AFF1: variants seen among roughly 807,000 people sequenced by gnomAD.
AFF1 encodes the protein ALF transcription elongation factor 1.
A neutral mutation model predicts 121.7 loss-of-function variants in AFF1; 48 were observed. The ratio of observed to expected loss-of-function variants is 0.39; its 90% CI spans 0.31 to 0.50. The LOEUF (loss-of-function observed/expected upper bound fraction) is 0.50. Ranked by LOEUF, AFF1 falls within the 20% of genes least tolerant of loss-of-function variation. AFF1 has a pLI of 0.76. For synonymous variants in AFF1, 613 were observed against 563.0 expected (o/e 1.09, Z -1.26); for missense variants, 1,523 against 1,511.7 (o/e 1.01, Z -0.12).
chr4:86,936,130 G>A (rs1222110988), intron 1 of AFF1: 1 of 152,220 alleles, frequency 6.6e-6, no homozygotes, highest in East Asian at 1.9e-4. Context: ...GAAGGCACTT[G>A]GCTTTGGAGG....
At position 87,117,779 on chromosome 4, in the gene AFF1, T is replaced by A. The variant is rs547750607; in HGVS notation, c.2466+2480T>A. ...AGAATCATGTGTCGTTTGGTTTAAC[T>A]TCCTGCTGGATTCTGGATGGGAGTT... On this transcript the variant is annotated intron_variant, in intron 12 of 20. Transcript: ENST00000395146. 2.6e-5 allele frequency among the ~76,000 whole-genome samples: 4 copies of A among 152,370 alleles called. No homozygotes were observed. The East Asian group carries it at 7.7e-4, about 29-fold the overall frequency.
At position 87,000,602 on chromosome 4, in the gene AFF1, ACT is replaced by A. The variant is rs71660109; in HGVS notation, c.39-45561_39-45560del. ...AAATAAAACATTTATTAAAAAATAAACTCTGTGTGTGTGTGTGTGTGTGTGTG... is the reference window on the plus strand; with the variant it reads ...AAATAAAACATTTATTAAAAAATAAACTGTGTGTGTGTGTGTGTGTGTGTG... On this transcript the variant is annotated intron_variant, in intron 2 of 20. Coordinates refer to ENST00000395146, the MANE Select transcript of AFF1 (RefSeq NM_001166693.3). Among the ~76,000 whole-genome samples the A allele has an allele frequency of 2.3e-3, 199 of 86,850 alleles. 1 individual carries two copies. The highest frequency in any genetic ancestry group is 5.1e-3 in the Middle Eastern group (1 of 198). The allele number at this position is 86,850 out of a possible 152,430, so 57.0% of individuals were successfully genotyped here.
chr4:86,995,274 C>T (rs1725032560), intron 2 of AFF1, among the ~76,000 whole-genome samples: 2 of 23,632 alleles, frequency 8.5e-5, no homozygotes, highest in South Asian at 3.8e-3. Flanking sequence ...CCCCTTCCCC[C>T]TCCCCCTCTC....
intron 2 of AFF1, among the ~76,000 whole-genome samples, chr4:86,960,656 T>C (rs1722084516): frequency 6.6e-6 from 1 of 152,170 alleles, no homozygotes; most frequent in Non-Finnish European, 1.5e-5. Context: ...CTACTAAAAA[T>C]AGTACAACAT....
intron 2 of AFF1, among the ~76,000 whole-genome samples, chr4:86,966,748 C>G (rs1722566492): frequency 6.6e-6 from 1 of 152,152 alleles, no homozygotes; most frequent in Admixed American, 6.6e-5. Flanking sequence ...ATCCCCCATT[C>G]TAATTTAATC....
rs191308289 is a variant in AFF1, at chr4:87,042,702, A to G, written c.39-3464A>G. Among the ~76,000 whole-genome samples, 17 of 152,372 alleles carry G rather than the reference A, an allele frequency of 1.1e-4. No individual in the cohort carries two copies. The East Asian group carries it at 2.9e-3, about 26-fold the overall frequency. On this transcript the variant is annotated intron_variant, in intron 2 of 20. Transcript: ENST00000395146. ...GTGGGTTTAAAAAAATTTTTTTGACACTAATGAAGTAAAACCTTAATTAAC... is the reference window on the plus strand; with the variant it reads ...GTGGGTTTAAAAAAATTTTTTTGACGCTAATGAAGTAAAACCTTAATTAAC...
At chr4:87,027,630 T>C (rs531039626) in intron 2 of AFF1, among the ~76,000 whole-genome samples, 114 of 152,258 alleles carry the variant, frequency 7.5e-4, no homozygotes, top group Middle Eastern at 3.4e-3. Context: ...GGTTATTTTT[T>C]CTAACATTAT....
intron 2 of AFF1, among the ~76,000 whole-genome samples, chr4:86,986,566 C>T (rs1373983142): frequency 6.6e-6 from 1 of 151,710 alleles, no homozygotes; most frequent in African/African-American, 2.4e-5. Flanking sequence ...TGGATGCTGT[C>T]AGCAAAATTC....
intron 4 of AFF1, among the ~76,000 whole-genome samples, chr4:87,073,221 T>TGAGCCCTTTTTCTAGACCC (rs1287123165): frequency 7.1e-6 from 1 of 140,282 alleles, no homozygotes; most frequent in African/African-American, 2.7e-5. Flanking sequence ...AGGATGACCT[T>TGAGCCCTTTTTCTAGACCC]GAGCCCTTTT....
intron 2 of AFF1, chr4:87,020,792 T>G: frequency 1.0e-6 from 1 of 985,378 alleles, no homozygotes; most frequent in Non-Finnish European, 1.2e-6. Flanking sequence ...AATGCCATGT[T>G]TTTGATGCAC....
intron 11 of AFF1, among the ~76,000 whole-genome samples, chr4:87,110,192 T>G (rs1560634275): frequency 6.6e-6 from 1 of 152,088 alleles, no homozygotes; most frequent in Non-Finnish European, 1.5e-5. Flanking sequence ...TTTAACTTTC[T>G]CTTTTCTTTG....
In AFF1 at chr4:87,047,132, G is replaced by T. The variant is rs779004414; in HGVS notation, c.597G>T (p.Ser199=). Residue 199 remains serine, a synonymous_variant, in exon 4 of 21, where the codon TCG becomes TCT. Coordinates refer to ENST00000395146, the MANE Select transcript of AFF1 (RefSeq NM_001166693.3). The part of the protein sequence containing the change: ...DGDHCASVTD[S]APERELSPLI... ...ACCACTGTGCTTCGGTGACAGATTC[G>T]GCTCCAGAGAGGGAGCTTTCTCCCT... The T allele has an allele frequency of 1.2e-6, 2 of 1,614,156 alleles. No individual in the cohort carries two copies. Among genetic ancestry groups the T allele is most frequent in the South Asian group, 1.1e-5 (1 of 91,080 alleles).
chr4:87,049,511 T>A (rs950204999), intron 4 of AFF1: 1 of 377,374 alleles, frequency 2.6e-6, no homozygotes, highest in East Asian at 7.3e-5. Context: ...TAGGACTATG[T>A]TAATTGGCTC....
chr4:87,028,027 T>A (rs1728701766), intron 2 of AFF1, among the ~76,000 whole-genome samples: 1 of 151,996 alleles, frequency 6.6e-6, no homozygotes, highest in Non-Finnish European at 1.5e-5. Flanking sequence ...GCATTTTATT[T>A]TTCAGATTTT....
At chr4:87,080,398 T>G (rs1723051350) in intron 4 of AFF1, among the ~76,000 whole-genome samples, 1 of 152,276 alleles carries the variant, frequency 6.6e-6, no homozygotes, top group Admixed American at 6.5e-5. Flanking sequence ...GTCTTCAGCC[T>G]TATCTCAGTT....
In AFF1 at chr4:86,948,528, G is replaced by C. The variant is rs1192362064; in HGVS notation, c.-6G>C. 2 of 1,536,708 alleles carry C rather than the reference G, an allele frequency of 1.3e-6. No homozygotes were observed. The highest frequency in any genetic ancestry group is 1.7e-6 in the Non-Finnish European group (2 of 1,146,602). On this transcript the variant is annotated 5_prime_UTR_variant, in exon 2 of 21. Coordinates refer to ENST00000395146, the MANE Select transcript of AFF1 (RefSeq NM_001166693.3). ...CAGACTAGCCACTTTGCATTGACTG[G>C]AAACAATGGCATTTACAGAAAGAGT...
At chr4:87,134,421 G>T (rs770744669) in intron 19 of AFF1, 50 bp from the exon 20 acceptor site, 3 of 1,465,370 alleles carry the variant, frequency 2.0e-6, no homozygotes, top group South Asian at 1.3e-5. Context: ...GTGATCCAGG[G>T]GTCTACTGGT....
At position 87,120,583 on chromosome 4, in the gene AFF1, G is replaced by C. The variant is rs535666559; in HGVS notation, c.2467-4454G>C. Among the ~76,000 whole-genome samples the C allele has an allele frequency of 7.9e-5, 12 of 152,334 alleles. No individual in the cohort carries two copies. In the South Asian group the frequency reaches 2.3e-3, roughly 29 times the overall value. ...TTTCACATGTGTTTTCTCCGTACAA[G>C]TGTCTGTTGGGAGGATTCTCAAGAG... On this transcript the variant is annotated intron_variant, in intron 12 of 20. Coordinates refer to ENST00000395146, the MANE Select transcript of AFF1 (RefSeq NM_001166693.3).
chr4:87,078,847 T>G (rs1290554796), intron 4 of AFF1, among the ~76,000 whole-genome samples: 2 of 152,212 alleles, frequency 1.3e-5, no homozygotes, highest in Admixed American at 6.5e-5. Context: ...TAAGCTGTCA[T>G]GCTGTTAAAG....
Sources: allele counts gnomAD v4.1 joint callset (sites outside exome capture counted in the v4.1 genomes callset), GRCh38; gene constraint gnomAD v4.1.1; transcripts MANE v1.5; gene names NCBI Gene and HGNC (gene_info 2026-07-23, HGNC 2026-07-21).